The following SWT1 variants were observed in gnomAD, a reference collection of about 807,000 sequenced individuals.
SWT1 encodes the protein transcriptional protein SWT1.
SWT1 carries 33 observed loss-of-function variants against 107.3 expected under a neutral mutation model. The observed-to-expected ratio is 0.31, with a 90% CI of 0.23 to 0.41. The LOEUF (loss-of-function observed/expected upper bound fraction) is 0.41. Among genes scored for constraint, SWT1 ranks in the 10% least tolerant of loss-of-function variants. SWT1 has a pLI of 1.00. For missense variants in SWT1, 898 were observed against 1,028.9 expected, an observed-to-expected ratio of 0.87 and a Z score of 1.74; for synonymous variants, 345 against 348.3, an observed-to-expected ratio of 0.99 and a Z score of 0.11.
intron 13 of SWT1, among the ~76,000 whole-genome samples, chr1:185,212,061 TG>T (rs1558044120): frequency 2.8e-5 from 4 of 141,732 alleles, no homozygotes; most frequent in African/African-American, 1.1e-4. Flanking sequence ...TGTTGTGGGG[TG>T]GGGGGAGTGG....
chr1:185,183,976 C>T (rs907823887), intron 7 of SWT1, among the ~76,000 whole-genome samples: 1 of 152,142 alleles, frequency 6.6e-6, no homozygotes, highest in African/African-American at 2.4e-5. Flanking sequence ...GACGATTCTC[C>T]ACCCCACTCC....
At chr1:185,264,110 G>A (rs940374652) in intron 16 of SWT1, 2 of 153,198 alleles carry the variant, frequency 1.3e-5, no homozygotes, top group Non-Finnish European at 2.9e-5. Context: ...TAGTCCCTGT[G>A]TTCCCTCCTG....
Position 185,227,646 on chromosome 1 carries a change from T to G in SWT1, c.2310-3931T>G, listed in dbSNP as rs968871880. On this transcript the variant is annotated intron_variant, in intron 15 of 18. Transcript: ENST00000367500. ...TTACCTTCTCGTCGTCTTCTACATTTCACTTGGTATCTCTTAAAGTAGGCC... is the reference window on the plus strand; with the variant it reads ...TTACCTTCTCGTCGTCTTCTACATTGCACTTGGTATCTCTTAAAGTAGGCC... The G allele has an allele frequency of 1.3e-5, 8 of 595,806 alleles. No individual in the cohort carries two copies. The Admixed American group carries it at 1.5e-4, about 11-fold the overall frequency. 36.9% of individuals were successfully genotyped at this position (595,806 alleles called of 1,614,324 possible).
intron 16 of SWT1, among the ~76,000 whole-genome samples, chr1:185,249,109 G>T (rs1287296991): frequency 6.6e-6 from 1 of 152,078 alleles, no homozygotes; most frequent in African/African-American, 2.4e-5. Context: ...TTAGAGGCTG[G>T]ATCTCCAGCC....
rs544421493 is a variant in SWT1 at position 185,257,552 on chromosome 1, G to A, written c.2442-13771G>A. Among the ~76,000 whole-genome samples the A allele has an allele frequency of 1.6e-4, 24 of 152,274 alleles. No individual in the cohort carries two copies. In the South Asian group the frequency reaches 2.7e-3, roughly 17 times the overall value. On this transcript the variant is annotated intron_variant, in intron 16 of 18. Coordinates refer to ENST00000367500, the MANE Select transcript of SWT1 (RefSeq NM_017673.7). ...GGGAGTGACCCGATTTTCCAGGCGC[G>A]TCTGTCACCCCTTTCTTTGACTCGG...
intron 10 of SWT1, among the ~76,000 whole-genome samples, chr1:185,200,500 A>G (rs575317555): frequency 6.6e-6 from 1 of 152,300 alleles, no homozygotes; most frequent in Admixed American, 6.5e-5. Context: ...TCTAACAGTC[A>G]GACCCCTCTG....
intron 7 of SWT1, among the ~76,000 whole-genome samples, chr1:185,183,540 C>T (rs887465655): frequency 2.0e-5 from 3 of 152,188 alleles, no homozygotes; most frequent in African/African-American, 7.2e-5. Flanking sequence ...GCCTCGGCCT[C>T]TCAAAGTGCT....
At chr1:185,288,494 C>T (rs1166180185) in intron 18 of SWT1, among the ~76,000 whole-genome samples, 1 of 152,012 alleles carries the variant, frequency 6.6e-6, no homozygotes, top group South Asian at 2.1e-4. Context: ...TGTCCTGTCC[C>T]GAGTTCTGAT....
chr1:185,252,021 A>C (rs1481883931), intron 16 of SWT1, among the ~76,000 whole-genome samples: 1 of 149,272 alleles, frequency 6.7e-6, no homozygotes, highest in Non-Finnish European at 1.5e-5. Flanking sequence ...TTCAATTCCC[A>C]CCTATGAGTG....
At chr1:185,231,798 C>T (rs991717584) in intron 16 of SWT1, 90 bp downstream of exon 16, 22 of 961,912 alleles carry the variant, frequency 2.3e-5, no homozygotes, top group Admixed American at 8.9e-5. Flanking sequence ...TGCTAGGAGT[C>T]ACATAGAATA....
intron 4 of SWT1, among the ~76,000 whole-genome samples, chr1:185,170,549 G>A (rs1228855049): frequency 1.3e-5 from 2 of 152,102 alleles, no homozygotes; most frequent in Non-Finnish European, 2.9e-5. Flanking sequence ...CGGCACAAAG[G>A]GCCCCTAACT....
At chr1:185,268,457 G>T (rs1396213540) in intron 16 of SWT1, among the ~76,000 whole-genome samples, 1 of 152,168 alleles carries the variant, frequency 6.6e-6, no homozygotes, top group Non-Finnish European at 1.5e-5. Context: ...CCCTGTGCCT[G>T]GTCAGGATTT....
In SWT1 at chr1:185,290,872, C is replaced by A; in HGVS notation, c.*69C>A. On this transcript the variant is annotated 3_prime_UTR_variant, in exon 19 of 19. Coordinates refer to ENST00000367500, the MANE Select transcript of SWT1 (RefSeq NM_017673.7). The stretch of plus-strand genomic sequence containing the variant: ...ATAACAGAGTAGTTTTCAATCTGGT[C>A]ACTCTTTTGGGCCAAACCCAAGAGA... The A allele has an allele frequency of 1.4e-6, 2 of 1,402,544 alleles. No individual in the cohort carries two copies. Among genetic ancestry groups the A allele is most frequent in the South Asian group, 1.4e-5 (1 of 71,902 alleles). 86.9% of individuals were successfully genotyped at this position (1,402,544 alleles called of 1,614,324 possible). A position where few individuals can be genotyped will look rare whatever the true frequency, so the allele number is the denominator to read the frequency against.
At chr1:185,276,195 A>G (rs1190537622) in intron 17 of SWT1, among the ~76,000 whole-genome samples, 6 of 152,154 alleles carry the variant, frequency 3.9e-5, no homozygotes, top group Admixed American at 1.3e-4. Flanking sequence ...TGATATAGAT[A>G]TTTATTAACT....
intron 16 of SWT1, among the ~76,000 whole-genome samples, chr1:185,235,298 A>G (rs1448051251): frequency 6.6e-6 from 1 of 152,222 alleles, no homozygotes; most frequent in Non-Finnish European, 1.5e-5. Flanking sequence ...GATGAACATC[A>G]ATGCGAAAAT....
chr1:185,246,623 C>CTTTTTTT (rs375322237), intron 16 of SWT1, among the ~76,000 whole-genome samples: 8 of 96,488 alleles, frequency 8.3e-5, no homozygotes, highest in Non-Finnish European at 1.4e-4. Flanking sequence ...TTTTGGAGAG[C>CTTTTTTT]TTTTTTTTTT....
intron 5 of SWT1, among the ~76,000 whole-genome samples, chr1:185,178,260 C>T (rs914510211): frequency 5.9e-5 from 9 of 152,144 alleles, no homozygotes; most frequent in Admixed American, 1.3e-4. Context: ...TACATGAGCA[C>T]ATAGGTTGTC....
intron 15 of SWT1, 107 bp downstream of exon 15, chr1:185,222,143 A>G: frequency 3.1e-6 from 2 of 642,714 alleles, no homozygotes; most frequent in African/African-American, 1.9e-5. Flanking sequence ...TTCAATAGAT[A>G]TATGTGATAT....
At chr1:185,166,067 A>T (rs1325748546) in intron 2 of SWT1, among the ~76,000 whole-genome samples, 3 of 152,188 alleles carry the variant, frequency 2.0e-5, no homozygotes, top group Non-Finnish European at 4.4e-5. Context: ...ATCGTCTGAC[A>T]CACTAAATAT....
Sources: allele counts gnomAD v4.1 joint callset (sites outside exome capture counted in the v4.1 genomes callset), GRCh38; gene constraint gnomAD v4.1.1; transcripts MANE v1.5; gene names NCBI Gene and HGNC (gene_info 2026-07-23, HGNC 2026-07-21).